The following ARIH1 variants were observed in gnomAD, a reference collection of about 807,000 sequenced individuals.
ARIH1 encodes the protein ariadne RBR E3 ubiquitin protein ligase 1, also known as E3 ubiquitin-protein ligase ARIH1.
A neutral mutation model predicts 85.0 loss-of-function variants in ARIH1; 8 were observed. That is an observed-to-expected ratio of 0.09 (90% CI 0.06 to 0.17). The LOEUF (loss-of-function observed/expected upper bound fraction) is 0.17. Ranked by LOEUF, ARIH1 falls within the 10% of genes least tolerant of loss-of-function variation. ARIH1 has a pLI of 1.00. For synonymous variants in ARIH1, 238 were observed against 253.6 expected (o/e 0.94, Z 0.59); for missense variants, 311 against 718.1 (o/e 0.43, Z 6.48).
intron 1 of ARIH1, among the ~76,000 whole-genome samples, chr15:72,510,120 A>T (rs2063943451): frequency 6.6e-6 from 1 of 152,156 alleles, no homozygotes; most frequent in Non-Finnish European, 1.5e-5. Flanking sequence ...GTGTCATTTA[A>T]ATAGAATTGT....
At chr15:72,484,015 A>G (rs780928390) in intron 1 of ARIH1, among the ~76,000 whole-genome samples, 1 of 151,286 alleles carries the variant, frequency 6.6e-6, no homozygotes, top group Non-Finnish European at 1.5e-5. Flanking sequence ...TACTAAAAAA[A>G]TACAAAAATT....
chr15:72,584,627 A>G lies in ARIH1; in HGVS notation c.*1335A>G, dbSNP rs1226770426. 1 of 152,060 alleles carries G rather than the reference A, an allele frequency of 6.6e-6. No individual in the cohort carries two copies. The highest frequency in any genetic ancestry group is 1.9e-4 in the East Asian group (1 of 5,182). The allele number at this position is 152,060 out of a possible 1,614,324, so 9.4% of individuals were successfully genotyped here. On this transcript the variant is annotated 3_prime_UTR_variant, in exon 14 of 14. Transcript: ENST00000379887. ...TGCTGTGGGTTTGGTTTGAAGGCAA[A>G]CACCCCTAGAACATGATATTCCCAT... is the stretch of plus-strand genomic sequence containing the variant.
chr15:72,562,099 A>G (rs1464115585), intron 6 of ARIH1, among the ~76,000 whole-genome samples: 1 of 152,188 alleles, frequency 6.6e-6, no homozygotes, highest in Admixed American at 6.6e-5. Context: ...CTTTATCCCT[A>G]GCTGAGAATT....
chr15:72,595,690 C>A lies in ARIH1; in HGVS notation c.*12398C>A, dbSNP rs146793138. On this transcript the variant is annotated 3_prime_UTR_variant, in exon 14 of 14. Coordinates refer to ENST00000379887, the MANE Select transcript of ARIH1 (RefSeq NM_005744.5). Reference sequence around the variant, plus strand: ...TAGACATGGAGTCTTGATATGTTGCCCAGATTGATCTGGAACTGCTAGGCT... The same window carrying A: ...TAGACATGGAGTCTTGATATGTTGCACAGATTGATCTGGAACTGCTAGGCT... 8 of 152,150 alleles carry A rather than the reference C, an allele frequency of 5.3e-5. No homozygotes were observed. Among genetic ancestry groups the A allele is most frequent in the African/African-American group, 1.9e-4 (8 of 41,476 alleles). 9.4% of individuals were successfully genotyped at this position (152,150 alleles called of 1,614,324 possible).
chr15:72,489,526 T>C (rs1287447727), intron 1 of ARIH1, among the ~76,000 whole-genome samples: 1 of 152,188 alleles, frequency 6.6e-6, no homozygotes, highest in Non-Finnish European at 1.5e-5. Context: ...TAATCCTAAA[T>C]GAATAAGTAA....
At position 72,512,876 on chromosome 15, in the gene ARIH1, T is replaced by G. The variant is rs145313417; in HGVS notation, c.376-5191T>G. On this transcript the variant is annotated intron_variant, in intron 1 of 13. Coordinates refer to ENST00000379887, the MANE Select transcript of ARIH1 (RefSeq NM_005744.5). ...TCTTAAGTATAATTGTGGAATCATC[T>G]ATTTGATTTCTATCAGTTTTTTCTT... 1.4e-3 allele frequency among the ~76,000 whole-genome samples: 214 copies of G among 152,248 alleles called. 1 individual carries two copies. In the East Asian group the frequency reaches 0.029, roughly 20 times the overall value.
At chr15:72,523,918 T>TA (rs2064012661) in intron 2 of ARIH1, among the ~76,000 whole-genome samples, 1 of 144,620 alleles carries the variant, frequency 6.9e-6, no homozygotes, top group Non-Finnish European at 1.5e-5. Flanking sequence ...GTAGGAAAAA[T>TA]ACCGTGTGCT....
At chr15:72,523,757 G>A (rs1441682249) in intron 2 of ARIH1, among the ~76,000 whole-genome samples, 3 of 151,328 alleles carry the variant, frequency 2.0e-5, no homozygotes, top group Non-Finnish European at 4.4e-5. Flanking sequence ...TATGGGAGCT[G>A]TAGCTTCTGC....
intron 9 of ARIH1, among the ~76,000 whole-genome samples, chr15:72,567,963 TTAAGAAGTGTGTAAA>T (rs904725554): frequency 1.3e-5 from 2 of 152,168 alleles, no homozygotes; most frequent in African/African-American, 4.8e-5. Context: ...GACAATGAGA[TTAAGAAGTGTGTAAA>T]CAATGAAGGC....
chr15:72,555,980 C>T, intron 5 of ARIH1, 73 bp downstream of exon 5: 2 of 1,327,816 alleles, frequency 1.5e-6, no homozygotes, highest in South Asian at 1.3e-5. Context: ...TTACTTAGTA[C>T]CTCAAAGGAA....
At chr15:72,514,861 G>A (rs2063967707) in intron 1 of ARIH1, among the ~76,000 whole-genome samples, 1 of 152,012 alleles carries the variant, frequency 6.6e-6, no homozygotes. Context: ...TTAGCTGAGT[G>A]TGGTGGCATG....
At chr15:72,521,543 TCTAA>T (rs1423909016) in intron 2 of ARIH1, among the ~76,000 whole-genome samples, 1 of 152,022 alleles carries the variant, frequency 6.6e-6, no homozygotes, top group Non-Finnish European at 1.5e-5. Flanking sequence ...TTCCATGTCT[TCTAA>T]CTTTTTTTTT....
At position 72,591,284 on chromosome 15, in the gene ARIH1, A is replaced by C. The variant is rs751479452; in HGVS notation, c.*7992A>C. 6.6e-6 allele frequency: 1 copy of C among 151,920 alleles called. No homozygotes were observed. The highest frequency in any genetic ancestry group is 1.5e-5 in the Non-Finnish European group (1 of 68,004). The allele number at this position is 151,920 out of a possible 1,614,324, so 9.4% of individuals were successfully genotyped here. A position where few individuals can be genotyped will look rare whatever the true frequency, so the allele number is the denominator to read the frequency against. On this transcript the variant is annotated 3_prime_UTR_variant, in exon 14 of 14. Transcript: ENST00000379887. Reference sequence around the variant, plus strand: ...ATACAAAACCAACTCTTTATAGTAGACAGTTTATCCCCCAGAAAGCTTTTT... The same window carrying C: ...ATACAAAACCAACTCTTTATAGTAGCCAGTTTATCCCCCAGAAAGCTTTTT...
rs142129694 is a variant in ARIH1 at position 72,481,429 on chromosome 15, A to C, written c.375+6415A>C. ...TTGTTTAAGAAACTAATAATAGGGG[A>C]CCAGTCACGGTGGCTCACACCTGTA... On this transcript the variant is annotated intron_variant, in intron 1 of 13. Coordinates refer to ENST00000379887, the MANE Select transcript of ARIH1 (RefSeq NM_005744.5). Among the ~76,000 whole-genome samples the C allele has an allele frequency of 2.8e-3, 426 of 152,106 alleles. 9 individuals are homozygous for C. The highest frequency in any genetic ancestry group is 0.025 in the Admixed American group (375 of 15,280).
intron 3 of ARIH1, among the ~76,000 whole-genome samples, chr15:72,551,696 C>T (rs749525210): frequency 1.3e-5 from 2 of 152,002 alleles, no homozygotes; most frequent in African/African-American, 4.8e-5. Context: ...TGTATGGCAA[C>T]AAAATATGAA....
At chr15:72,534,609 C>T (rs2064072724) in intron 2 of ARIH1, among the ~76,000 whole-genome samples, 1 of 152,206 alleles carries the variant, frequency 6.6e-6, no homozygotes, top group African/African-American at 2.4e-5. Flanking sequence ...TTTCTCACTG[C>T]TCTCCTAGGC....
At position 72,518,060 on chromosome 15, in the gene ARIH1, T is replaced by C. The variant is rs770354888; in HGVS notation, c.376-7T>C. ...TTAAAATGACTTTTTTTCCCCTCCT[T>C]CTTTAGAATCCAGCAACTATCACAA... On this transcript the variant is annotated splice_polypyrimidine_tract_variant and splice_region_variant and intron_variant, in intron 1 of 13. Transcript: ENST00000379887. The C allele has an allele frequency of 1.2e-6, 2 of 1,605,188 alleles. No individual in the cohort carries two copies. Among genetic ancestry groups the C allele is most frequent in the East Asian group, 4.5e-5 (2 of 44,732 alleles).
chr15:72,520,487 A>G (rs975335506), intron 2 of ARIH1, among the ~76,000 whole-genome samples: 12 of 151,990 alleles, frequency 7.9e-5, no homozygotes, highest in Admixed American at 4.6e-4. Context: ...TGAAAAAACT[A>G]TTATCTTTTA....
intron 2 of ARIH1, among the ~76,000 whole-genome samples, chr15:72,531,361 G>T (rs1468071548): frequency 6.6e-6 from 1 of 152,088 alleles, no homozygotes; most frequent in Non-Finnish European, 1.5e-5. Context: ...TGCACCTCCC[G>T]GGTTCAAGGC....
Sources: gnomAD v4.1 joint callset for allele counts (sites outside exome capture counted in the v4.1 genomes callset) on GRCh38, gnomAD v4.1.1 for gene constraint, MANE v1.5 for transcripts, NCBI Gene and HGNC (gene_info 2026-07-23, HGNC 2026-07-21) for gene names.